The following BCKDHB variants were observed in gnomAD, a reference collection of about 807,000 sequenced individuals.
BCKDHB encodes 2-oxoisovalerate dehydrogenase subunit beta, mitochondrial.
In BCKDHB, 41 loss-of-function variants were observed where a neutral mutation model predicts 48.5. The observed-to-expected ratio is 0.85, with a 90% CI of 0.66 to 1.10. The LOEUF (loss-of-function observed/expected upper bound fraction) is 1.10. Among genes scored for constraint, BCKDHB ranks in the 50% least tolerant of loss-of-function variants. The pLI is 0.00. For synonymous variants in BCKDHB, 201 were observed against 174.8 expected, an observed-to-expected ratio of 1.15 and a Z score of -1.18; for missense variants, 496 against 494.2, an observed-to-expected ratio of 1.00 and a Z score of -0.03.
chr6:80,141,475 T>G (rs2127742394), intron 3 of BCKDHB, among the ~76,000 whole-genome samples: 1 of 152,268 alleles, frequency 6.6e-6, no homozygotes, highest in East Asian at 1.9e-4. Context: ...TGTTTTCAAT[T>G]TAATTGATTA....
chr6:80,421,427 A>G, the BCKDHB span, among the ~76,000 whole-genome samples: 1 of 152,320 alleles, frequency 6.6e-6, no homozygotes, highest in Admixed American at 6.5e-5. Context: ...GGGCACTGCT[A>G]TAAAGATAAC....
chr6:80,461,007 G>T, the BCKDHB span, among the ~76,000 whole-genome samples: 10 of 152,064 alleles, frequency 6.6e-5, no homozygotes, highest in Admixed American at 6.6e-4. Flanking sequence ...CTGAGATTTT[G>T]TCGTGATCTT....
At chr6:80,248,758 G>A (rs1336877877) in intron 8 of BCKDHB, among the ~76,000 whole-genome samples, 1 of 152,132 alleles carries the variant, frequency 6.6e-6, no homozygotes, top group African/African-American at 2.4e-5. Context: ...GGCAGATCTA[G>A]GTATCATTAG....
intron 3 of BCKDHB, among the ~76,000 whole-genome samples, chr6:80,161,839 C>T (rs1030620261): frequency 2.6e-5 from 4 of 152,198 alleles, no homozygotes. Context: ...TTTTGAATCT[C>T]ACTGTAGCTC....
At chr6:80,226,378 C>T (rs575613870) in intron 8 of BCKDHB, among the ~76,000 whole-genome samples, 2 of 152,140 alleles carry the variant, frequency 1.3e-5, no homozygotes, top group South Asian at 2.1e-4. Context: ...GGAAGGGCGG[C>T]GCATTGAAAC....
At chr6:80,155,901 T>C (rs1024780821) in intron 3 of BCKDHB, among the ~76,000 whole-genome samples, 6 of 151,688 alleles carry the variant, frequency 4.0e-5, no homozygotes, top group African/African-American at 1.5e-4. Context: ...GCTTAGTTGT[T>C]TTTTTGGTGG....
At chr6:80,142,634 C>T (rs908178963) in intron 3 of BCKDHB, among the ~76,000 whole-genome samples, 1 of 152,048 alleles carries the variant, frequency 6.6e-6, no homozygotes, top group Non-Finnish European at 1.5e-5. Context: ...TCTATTCATG[C>T]TTTTGATTAC....
chr6:80,141,481 G>T (rs1209712755), intron 3 of BCKDHB, among the ~76,000 whole-genome samples: 2 of 152,108 alleles, frequency 1.3e-5, no homozygotes, highest in Non-Finnish European at 2.9e-5. Context: ...CAATTTAATT[G>T]ATTACACAAT....
the BCKDHB span, among the ~76,000 whole-genome samples, chr6:80,418,453 G>A: frequency 6.6e-6 from 1 of 150,782 alleles, no homozygotes; most frequent in African/African-American, 2.5e-5. Context: ...GCTTACCTTA[G>A]GATGGATTTT....
chr6:80,212,244 A>T (rs1470665028), intron 8 of BCKDHB, among the ~76,000 whole-genome samples: 3 of 152,150 alleles, frequency 2.0e-5, no homozygotes, highest in Non-Finnish European at 4.4e-5. Context: ...AGGGTACTGC[A>T]GGAGACCAGG....
chr6:80,417,480 C>T, the BCKDHB span, among the ~76,000 whole-genome samples: 1 of 152,170 alleles, frequency 6.6e-6, no homozygotes, highest in African/African-American at 2.4e-5. Context: ...TTGTAATGGT[C>T]CTTCCTTTCC....
chr6:80,193,856 T>C lies in BCKDHB; in HGVS notation c.743-7078T>C, dbSNP rs1774015228. Among the ~76,000 whole-genome samples the C allele has an allele frequency of 1.3e-5, 2 of 152,228 alleles. 1 individual carries two copies. Among genetic ancestry groups the C allele is most frequent in the South Asian group, 4.1e-4 (2 of 4,838 alleles). ...GTCTAGCAAAATGCTGACTGGCATA[T>C]GCAGACACTGAATTTACATCTTCAC... On this transcript the variant is annotated intron_variant, in intron 6 of 9. Transcript: ENST00000320393.
downstream of BCKDHB, among the ~76,000 whole-genome samples, chr6:80,348,689 C>T (rs1173647229): frequency 6.6e-6 from 1 of 152,194 alleles, no homozygotes. Flanking sequence ...TAGCTGCTAA[C>T]CAGCTAGGCA....
intron 5 of BCKDHB, 84 bp downstream of exon 5, chr6:80,169,114 A>G: frequency 6.6e-7 from 1 of 1,522,456 alleles, no homozygotes; most frequent in Non-Finnish European, 9.0e-7. Flanking sequence ...GCTTATCTAG[A>G]GGAAAGAAAA....
At chr6:80,167,034 G>T (rs955421495) in intron 3 of BCKDHB, among the ~76,000 whole-genome samples, 4 of 152,012 alleles carry the variant, frequency 2.6e-5, no homozygotes, top group African/African-American at 9.7e-5. Flanking sequence ...TTTTAGTTGT[G>T]TTGCTTTTTT....
chr6:80,182,156 C>G (rs1366850930), intron 6 of BCKDHB, among the ~76,000 whole-genome samples: 1 of 152,168 alleles, frequency 6.6e-6, no homozygotes, highest in Admixed American at 6.5e-5. Flanking sequence ...TTCCAGATAT[C>G]TAAAGCCGGC....
intron 8 of BCKDHB, among the ~76,000 whole-genome samples, chr6:80,245,054 CAGAGA>C (rs1418588520): frequency 2.0e-5 from 3 of 150,892 alleles, no homozygotes; most frequent in African/African-American, 7.3e-5. Context: ...ATCTATAAAA[CAGAGA>C]TATAATAGTA....
intron 3 of BCKDHB, among the ~76,000 whole-genome samples, chr6:80,158,665 G>A (rs1291033670): frequency 1.3e-5 from 2 of 152,136 alleles, no homozygotes; most frequent in East Asian, 3.9e-4. Context: ...CCCTAGTTGG[G>A]CTGAAATGAC....
At chr6:80,154,465 C>T (rs549777518) in intron 3 of BCKDHB, among the ~76,000 whole-genome samples, 1 of 152,144 alleles carries the variant, frequency 6.6e-6, no homozygotes, top group Admixed American at 6.6e-5. Context: ...GCTCCCCCTC[C>T]TAGGACACAA....
Sources: allele counts gnomAD v4.1 joint callset (sites outside exome capture counted in the v4.1 genomes callset), GRCh38; gene constraint gnomAD v4.1.1; transcripts MANE v1.5; gene names NCBI Gene and HGNC (gene_info 2026-07-23, HGNC 2026-07-21).